GMDS: variants seen among roughly 807,000 people sequenced by gnomAD.
The protein encoded by GMDS is GDP-mannose 4,6 dehydratase.
Under a neutral mutation model 49.9 loss-of-function variants are expected in GMDS, and 20 were observed. The ratio of observed to expected loss-of-function variants is 0.40; its 90% CI spans 0.28 to 0.58. The LOEUF (loss-of-function observed/expected upper bound fraction) is 0.58. Ranked by LOEUF, GMDS falls within the 20% of genes least tolerant of loss-of-function variation. The probability of loss-of-function intolerance (pLI) is 0.42; values close to 1 mark genes in which losing one functional copy is unlikely to be tolerated. For missense variants in GMDS, 362 were observed against 481.4 expected, an observed-to-expected ratio of 0.75 and a Z score of 2.32; for synonymous variants, 177 against 178.6, an observed-to-expected ratio of 0.99 and a Z score of 0.07.
chr6:2,067,105 G>A (rs1252832568), intron 4 of GMDS, among the ~76,000 whole-genome samples: 3 of 151,350 alleles, frequency 2.0e-5, no homozygotes, highest in Admixed American at 2.0e-4. Context: ...TCAGGATTAA[G>A]AATCTCACTC....
intron 8 of GMDS, among the ~76,000 whole-genome samples, chr6:1,733,325 G>A (rs960117252): frequency 6.6e-6 from 1 of 152,220 alleles, no homozygotes; most frequent in African/African-American, 2.4e-5. Flanking sequence ...GAGGATGCAG[G>A]GACTCAAGCA....
intron 9 of GMDS, among the ~76,000 whole-genome samples, chr6:1,639,533 T>C (rs1431248472): frequency 1.3e-5 from 2 of 152,208 alleles, no homozygotes; most frequent in Admixed American, 1.3e-4. Context: ...TCTCGTTTGC[T>C]GAATGTGGAC....
At chr6:1,911,705 CA>C (rs1761067564) in intron 7 of GMDS, among the ~76,000 whole-genome samples, 1 of 152,208 alleles carries the variant, frequency 6.6e-6, no homozygotes, top group Non-Finnish European at 1.5e-5. Flanking sequence ...CGGCATGAAC[CA>C]TTCTGACTTG....
At chr6:2,067,387 T>A (rs1455983976) in intron 4 of GMDS, among the ~76,000 whole-genome samples, 1 of 149,540 alleles carries the variant, frequency 6.7e-6, no homozygotes, top group Admixed American at 6.6e-5. Flanking sequence ...ATTCAAAAGC[T>A]AGCAGAAGGC....
chr6:1,657,964 C>A (rs375271851), intron 9 of GMDS, among the ~76,000 whole-genome samples: 3 of 152,140 alleles, frequency 2.0e-5, no homozygotes, highest in African/African-American at 7.2e-5. Flanking sequence ...AAACTGGCTG[C>A]CTCTACAGGC....
intron 7 of GMDS, among the ~76,000 whole-genome samples, chr6:1,790,258 A>G (rs1300363025): frequency 1.3e-5 from 2 of 152,216 alleles, no homozygotes; most frequent in African/African-American, 4.8e-5. Context: ...CTTCTCAAAA[A>G]GAAGATGAGC....
rs145495555 is a variant in GMDS, at chr6:2,227,926, C to T, written c.102+17395G>A. Reference sequence around the variant, plus strand: ...GAAATATGGGTAGTTAACACATAACCATGCTCAATGAGAGCCAACCTGTGG... The same window carrying T: ...GAAATATGGGTAGTTAACACATAACTATGCTCAATGAGAGCCAACCTGTGG... On this transcript the variant is annotated intron_variant, in intron 1 of 10. Coordinates refer to ENST00000380815, the MANE Select transcript of GMDS (RefSeq NM_001500.4). Among the ~76,000 whole-genome samples the T allele has an allele frequency of 2.2e-3, 340 of 152,366 alleles. 3 individuals are homozygous for T. The highest frequency in any genetic ancestry group is 7.7e-3 in the African/African-American group (319 of 41,580).
At chr6:2,090,690 T>A (rs1281735915) in intron 4 of GMDS, among the ~76,000 whole-genome samples, 1 of 152,214 alleles carries the variant, frequency 6.6e-6, no homozygotes, top group Non-Finnish European at 1.5e-5. Flanking sequence ...AATGGTGCTA[T>A]GTTTTATACT....
chr6:1,643,246 G>T (rs549502977), intron 9 of GMDS, among the ~76,000 whole-genome samples: 2 of 152,166 alleles, frequency 1.3e-5, no homozygotes, highest in South Asian at 2.1e-4. Flanking sequence ...AGACAAGTGT[G>T]GGGGGCAGGG....
At chr6:2,039,634 C>T (rs1401640345) in intron 4 of GMDS, among the ~76,000 whole-genome samples, 1 of 151,786 alleles carries the variant, frequency 6.6e-6, no homozygotes, top group Non-Finnish European at 1.5e-5. Flanking sequence ...ACACACATTA[C>T]CCTAGGCTTA....
intron 4 of GMDS, among the ~76,000 whole-genome samples, chr6:1,977,797 A>C (rs1419474148): frequency 1.3e-5 from 2 of 152,184 alleles, no homozygotes; most frequent in African/African-American, 4.8e-5. Context: ...CAGGGCCTTG[A>C]GTCTGACACA....
intron 1 of GMDS, among the ~76,000 whole-genome samples, chr6:2,220,430 T>C (rs1185237061): frequency 6.6e-6 from 1 of 152,232 alleles, no homozygotes; most frequent in Non-Finnish European, 1.5e-5. Flanking sequence ...TAATGGCATG[T>C]CATATTTTTT....
Position 1,905,899 on chromosome 6 carries a change from TCTGGGAACACGTATGCAGGTGTCC to T in GMDS, c.771+24180_771+24203del, listed in dbSNP as rs1431211225. Among the ~76,000 whole-genome samples, 52 of 73,174 alleles carry T rather than the reference TCTGGGAACACGTATGCAGGTGTCC, an allele frequency of 7.1e-4. 5 individuals are homozygous for T. Among genetic ancestry groups the T allele is most frequent in the African/African-American group, 3.2e-3 (50 of 15,872 alleles). 48.0% of individuals were successfully genotyped at this position (73,174 alleles called of 152,430 possible). On this transcript the variant is annotated intron_variant, in intron 7 of 10. Coordinates refer to ENST00000380815, the MANE Select transcript of GMDS (RefSeq NM_001500.4). ...CATGTGACAATAACCCCATAGGCCA[TCTGGGAACACGTATGCAGGTGTCC>T]CTGAGAAGGAGCGCCCAGGTGGCTG...
intron 7 of GMDS, among the ~76,000 whole-genome samples, chr6:1,886,391 T>A (rs1362120456): frequency 2.0e-5 from 3 of 152,152 alleles, no homozygotes; most frequent in African/African-American, 4.8e-5. Flanking sequence ...AAATAAAACA[T>A]AAATTAGAGA....
chr6:2,205,977 G>A (rs896387842), intron 1 of GMDS, among the ~76,000 whole-genome samples: 1 of 152,108 alleles, frequency 6.6e-6, no homozygotes, highest in African/African-American at 2.4e-5. Context: ...AAGCACAGAC[G>A]GCTGGGTGCA....
At chr6:2,159,676 G>T (rs1032122685) in intron 1 of GMDS, among the ~76,000 whole-genome samples, 1 of 151,312 alleles carries the variant, frequency 6.6e-6, no homozygotes, top group Non-Finnish European at 1.5e-5. Context: ...ATGCCACCAC[G>T]CCCAACTAAT....
chr6:2,229,363 G>C, intron 1 of GMDS, among the ~76,000 whole-genome samples: 1 of 149,526 alleles, frequency 6.7e-6, no homozygotes, highest in South Asian at 2.1e-4. Flanking sequence ...CTTGAGCCCA[G>C]GAGTTCAAGA....
chr6:1,995,905 C>T (rs35546016), intron 4 of GMDS, among the ~76,000 whole-genome samples: 43,764 of 152,026 alleles, frequency 0.29, 7,686 homozygotes, highest in East Asian at 0.48. Flanking sequence ...TTTAACAATG[C>T]CCAGCTGGGT....
chr6:2,072,073 G>C (rs1249283818), intron 4 of GMDS, among the ~76,000 whole-genome samples: 1 of 152,196 alleles, frequency 6.6e-6, no homozygotes, highest in Admixed American at 6.5e-5. Context: ...GTGTGCATGT[G>C]TGTGTGTATT....
Sources: gnomAD v4.1 joint callset for allele counts (sites outside exome capture counted in the v4.1 genomes callset) on GRCh38, gnomAD v4.1.1 for gene constraint, MANE v1.5 for transcripts, NCBI Gene and HGNC (gene_info 2026-07-23, HGNC 2026-07-21) for gene names.